DSCAM: variants seen among roughly 807,000 people sequenced by gnomAD.
DSCAM encodes DS cell adhesion molecule.
DSCAM carries 47 observed loss-of-function variants against 217.7 expected under a neutral mutation model. The observed-to-expected ratio is 0.22, with a 90% confidence interval of 0.17 to 0.28. The LOEUF (loss-of-function observed/expected upper bound fraction) is 0.28. Ranked by LOEUF, DSCAM falls within the 10% of genes least tolerant of loss-of-function variation. DSCAM has a pLI of 1.00. For synonymous variants in DSCAM, 1,056 were observed against 1,015.3 expected (o/e 1.04, Z -0.76); for missense variants, 2,080 against 2,618.3 (o/e 0.79, Z 4.49).
chr21:40,187,405 C>A, intron 13 of DSCAM, 146 bp from the exon 14 acceptor site: 1 of 1,151,616 alleles, frequency 8.7e-7, no homozygotes, highest in Non-Finnish European at 1.2e-6. Context: ...TTTCTTTTTC[C>A]TAATCACATT....
intron 4 of DSCAM, among the ~76,000 whole-genome samples, chr21:40,363,364 T>C (rs28578528): frequency 0.02 from 3,009 of 150,262 alleles, 48 homozygotes; most frequent in Middle Eastern, 0.034. Flanking sequence ...GCAATTCTCC[T>C]GCCTCAGCCT....
chr21:40,025,812 C>A (rs565555382), intron 32 of DSCAM, among the ~76,000 whole-genome samples: 1 of 150,782 alleles, frequency 6.6e-6, no homozygotes, highest in East Asian at 1.9e-4. Flanking sequence ...TTGATCCTTT[C>A]AAAAAACCAG....
intron 28 of DSCAM, 98 bp downstream of exon 28, chr21:40,062,771 A>G: frequency 8.6e-7 from 1 of 1,161,506 alleles, no homozygotes; most frequent in Non-Finnish European, 1.2e-6. Flanking sequence ...GACATTATCA[A>G]TTTCAGACTG....
intron 14 of DSCAM, among the ~76,000 whole-genome samples, chr21:40,184,473 CT>C (rs2090872187): frequency 6.6e-6 from 1 of 152,098 alleles, no homozygotes; most frequent in Non-Finnish European, 1.5e-5. Flanking sequence ...CTTAAAATGA[CT>C]TGCTCCAGGG....
At chr21:40,607,330 C>A (rs1480632203) in intron 3 of DSCAM, among the ~76,000 whole-genome samples, 1 of 151,254 alleles carries the variant, frequency 6.6e-6, no homozygotes, top group African/African-American at 2.4e-5. Context: ...CAAAGAACAT[C>A]ATATATAAGA....
At chr21:40,345,174 C>A (rs2074544553) in intron 6 of DSCAM, among the ~76,000 whole-genome samples, 1 of 152,132 alleles carries the variant, frequency 6.6e-6, no homozygotes, top group African/African-American at 2.4e-5. Flanking sequence ...AGTTATTGAA[C>A]ATATTTTAAA....
intron 1 of DSCAM, among the ~76,000 whole-genome samples, chr21:40,766,047 C>T (rs2091385479): frequency 6.6e-6 from 1 of 152,210 alleles, no homozygotes; most frequent in Non-Finnish European, 1.5e-5. Context: ...GCAAGCCAGC[C>T]TCTGGGAATA....
At chr21:40,543,824 A>C (rs534614086) in intron 3 of DSCAM, among the ~76,000 whole-genome samples, 1 of 152,220 alleles carries the variant, frequency 6.6e-6, no homozygotes, top group Admixed American at 6.5e-5. Context: ...ATTATTCATA[A>C]TCTCCTGTTT....
chr21:40,593,259 G>A (rs2837734), intron 3 of DSCAM, among the ~76,000 whole-genome samples: 6,643 of 151,516 alleles, frequency 0.044, 191 homozygotes, highest in Middle Eastern at 0.14. Context: ...CTAGACTTAT[G>A]TCATGGTTTT....
intron 5 of DSCAM, among the ~76,000 whole-genome samples, chr21:40,349,067 G>C (rs1462175433): frequency 7.0e-6 from 1 of 143,508 alleles, no homozygotes; most frequent in Non-Finnish European, 1.5e-5. Context: ...AACCTGGGAA[G>C]AGGAGCTTGC....
intron 19 of DSCAM, among the ~76,000 whole-genome samples, chr21:40,127,136 A>C (rs993103676): frequency 2.0e-5 from 3 of 152,232 alleles, no homozygotes; most frequent in Non-Finnish European, 4.4e-5. Context: ...TGTTAGAATT[A>C]TAAGAGATAA....
intron 10 of DSCAM, among the ~76,000 whole-genome samples, chr21:40,284,104 T>C (rs1268200165): frequency 6.6e-6 from 1 of 152,240 alleles, no homozygotes; most frequent in Non-Finnish European, 1.5e-5. Context: ...CAGGAAAGCA[T>C]TGGGTAAAAA....
rs1306860195 is a variant in DSCAM at position 40,554,500 on chromosome 21, C to T, written c.508+138310G>A. Reference sequence around the variant, plus strand: ...TGTGGACAATTTTGGGGAAATGAGCCAATTTCGACAGTCATCTAGTCAACA... The same window carrying T: ...TGTGGACAATTTTGGGGAAATGAGCTAATTTCGACAGTCATCTAGTCAACA... On this transcript the variant is annotated intron_variant, in intron 3 of 32. Coordinates refer to ENST00000400454, the MANE Select transcript of DSCAM (RefSeq NM_001389.5). 3.9e-5 allele frequency among the ~76,000 whole-genome samples: 6 copies of T among 152,164 alleles called. No homozygotes were observed. The East Asian group carries it at 9.7e-4, about 25-fold the overall frequency.
At chr21:40,495,425 AG>A (rs1440272408) in intron 3 of DSCAM, among the ~76,000 whole-genome samples, 2 of 152,196 alleles carry the variant, frequency 1.3e-5, no homozygotes, top group Non-Finnish European at 2.9e-5. Context: ...ACCACAATGA[AG>A]GGGAAAACCA....
chr21:40,268,554 A>T (rs147281973), intron 11 of DSCAM, among the ~76,000 whole-genome samples: 8 of 152,152 alleles, frequency 5.3e-5, no homozygotes, highest in Admixed American at 1.3e-4. Context: ...AAAAAAAATA[A>T]TAACATTTTA....
At position 40,795,001 on chromosome 21, in the gene DSCAM, T is replaced by C. The variant is rs982737733; in HGVS notation, c.43+51618A>G. ...TCTATACTCCTTCTACACAATAAGA[T>C]TGATAGGCCTTTAACATGCACTGTG... On this transcript the variant is annotated intron_variant, in intron 1 of 32. Transcript: ENST00000400454. Among the ~76,000 whole-genome samples, 10 of 150,544 alleles carry C rather than the reference T, an allele frequency of 6.6e-5. No individual in the cohort carries two copies. The East Asian group carries it at 1.6e-3, about 24-fold the overall frequency.
chr21:40,183,991 C>T (rs1744184566), intron 14 of DSCAM, among the ~76,000 whole-genome samples: 1 of 152,104 alleles, frequency 6.6e-6, no homozygotes, highest in Non-Finnish European at 1.5e-5. Context: ...TTGTCAGAGA[C>T]AATTCCAGCC....
At chr21:40,660,900 T>C (rs75213677) in intron 3 of DSCAM, among the ~76,000 whole-genome samples, 5,411 of 152,274 alleles carry the variant, frequency 0.036, 314 homozygotes, top group African/African-American at 0.12. Flanking sequence ...GCCTCCTCTA[T>C]TGCAAGGAGA....
At chr21:40,178,647 C>A (rs2090759547) in intron 15 of DSCAM, among the ~76,000 whole-genome samples, 1 of 152,142 alleles carries the variant, frequency 6.6e-6, no homozygotes, top group Non-Finnish European at 1.5e-5. Flanking sequence ...TGTAAAACGG[C>A]ATGATTCTTT....
Sources: gnomAD v4.1 joint callset for allele counts (sites outside exome capture counted in the v4.1 genomes callset) on GRCh38, gnomAD v4.1.1 for gene constraint, MANE v1.5 for transcripts, NCBI Gene and HGNC (gene_info 2026-07-23, HGNC 2026-07-21) for gene names.